ST3GAL5: variants seen among roughly 807,000 people sequenced by gnomAD.
The protein encoded by ST3GAL5 is lactosylceramide alpha-2,3-sialyltransferase.
In ST3GAL5, 25 loss-of-function variants were observed where a neutral mutation model predicts 46.1. The observed-to-expected ratio is 0.54, with a 90% confidence interval of 0.40 to 0.76. The LOEUF (loss-of-function observed/expected upper bound fraction) is 0.76, where lower values mean the gene tolerates loss of function less well. Among genes scored for constraint, ST3GAL5 ranks in the 30% least tolerant of loss-of-function variants. The pLI, the probability that ST3GAL5 is intolerant of heterozygous loss-of-function variation, is 0.00. For missense variants in ST3GAL5, 431 were observed against 521.2 expected (o/e 0.83, Z 1.69); for synonymous variants, 182 against 192.7 (o/e 0.94, Z 0.46).
chr2:85,875,599 CTAATA>C (rs1309443853), intron 1 of ST3GAL5: 2 of 151,968 alleles, frequency 1.3e-5, no homozygotes, highest in African/African-American at 4.8e-5. Flanking sequence ...TCAATTGATG[CTAATA>C]TGTTATAGCC....
At chr2:85,874,036 C>T (rs1219507069) in intron 1 of ST3GAL5, among the ~76,000 whole-genome samples, 1 of 152,198 alleles carries the variant, frequency 6.6e-6, no homozygotes, top group Non-Finnish European at 1.5e-5. Flanking sequence ...GATTCTCCTA[C>T]AAACTGAGCA....
chr2:85,846,222 A>T (rs764141803), intron 5 of ST3GAL5, 155 bp downstream of exon 5: 15 of 725,658 alleles, frequency 2.1e-5, no homozygotes, highest in Non-Finnish European at 2.8e-5. Context: ...AGAATTGCTG[A>T]GGGGTTTCTA....
rs1260916862 is a variant in ST3GAL5 at position 85,844,288 on chromosome 2, G to C, written c.1008+108C>G. The stretch of plus-strand genomic sequence containing the variant: ...ACATGGAGCATCTAATCACAGGCTG[G>C]GTTTCTCCACTGGAGATGCTTCTGG... On this transcript the variant is annotated intron_variant, in intron 6 of 6. Coordinates refer to ENST00000638572, the MANE Select transcript of ST3GAL5 (RefSeq NM_003896.4). The C allele has an allele frequency of 2.1e-6, 3 of 1,428,588 alleles. No individual in the cohort carries two copies. In the African/African-American group the frequency reaches 4.2e-5, roughly 20 times the overall value. The allele number at this position is 1,428,588 out of a possible 1,614,324, so 88.5% of individuals were successfully genotyped here. A position where few individuals can be genotyped will look rare whatever the true frequency, so the allele number is the denominator to read the frequency against.
chr2:85,872,959 C>G (rs186457300), intron 1 of ST3GAL5, among the ~76,000 whole-genome samples: 14 of 152,358 alleles, frequency 9.2e-5, no homozygotes, highest in African/African-American at 2.9e-4. Context: ...GCAACAGCTA[C>G]AACTACAGCA....
intron 1 of ST3GAL5, among the ~76,000 whole-genome samples, chr2:85,872,972 G>T (rs111525034): frequency 1.3e-5 from 2 of 152,232 alleles, no homozygotes. Context: ...CTACAGCAGC[G>T]GCATGGGGCG....
chr2:85,846,217 T>C (rs942916757), intron 5 of ST3GAL5, 160 bp downstream of exon 5: 2 of 704,656 alleles, frequency 2.8e-6, no homozygotes, highest in East Asian at 2.8e-5. Context: ...AAAAAAGAAT[T>C]GCTGAGGGGT....
At position 85,840,150 on chromosome 2, in the gene ST3GAL5, T is replaced by C; in HGVS notation, c.1251A>G (p.Glu417=). Reference sequence around the variant, plus strand: ...CAACTGAGGTTTTCTGTGTTCAAAATTCACGATCAATGCCTCCACTGAGAT... The same window carrying C: ...CAACTGAGGTTTTCTGTGTTCAAAACTCACGATCAATGCCTCCACTGAGAT... The part of the protein sequence containing the change: ...VKDLSGGIDR[E]F Residue 417 remains glutamate, a synonymous_variant, in exon 7 of 7, where the codon GAA becomes GAG. Coordinates refer to ENST00000638572, the MANE Select transcript of ST3GAL5 (RefSeq NM_003896.4). 1.2e-6 allele frequency: 2 copies of C among 1,614,204 alleles called. No individual in the cohort carries two copies.
Position 85,848,111 on chromosome 2 carries a change from T to C in ST3GAL5, c.412A>G (p.Ser138Gly), listed in dbSNP as rs2103960228. 6.2e-7 allele frequency: 1 copy of C among 1,614,220 alleles called. No individual in the cohort carries two copies. Among genetic ancestry groups the C allele is most frequent in the Non-Finnish European group, 8.5e-7 (1 of 1,180,026 alleles). The change falls in exon 4 of 7, where the codon AGC (serine) becomes GGC (glycine). Residue 138 changes from serine to glycine, a missense_variant. By Grantham distance (56) the Ser-to-Gly change is moderately conservative. Coordinates refer to ENST00000638572, the MANE Select transcript of ST3GAL5 (RefSeq NM_003896.4). ...SMALLFEHRY[S>G]VDLLPFVQKA... ...TGCACAAAAGGGAGTAAGTCCACGC[T>C]ATACCTGTGCTCAAATAACAGCGCC...
At chr2:85,881,248 G>A (rs144042062) in intron 1 of ST3GAL5, among the ~76,000 whole-genome samples, 274 of 152,246 alleles carry the variant, frequency 1.8e-3, no homozygotes, top group African/African-American at 6.2e-3. Flanking sequence ...CCTCTTTCTT[G>A]TATAAATTGC....
intron 1 of ST3GAL5, among the ~76,000 whole-genome samples, chr2:85,868,414 A>C (rs1440263087): frequency 6.6e-6 from 1 of 150,644 alleles, no homozygotes; most frequent in Non-Finnish European, 1.5e-5. Context: ...CCATCTTCCC[A>C]CCTCAGCCTC....
At chr2:85,886,701 C>T (rs1306721580) in intron 1 of ST3GAL5, among the ~76,000 whole-genome samples, 2 of 152,084 alleles carry the variant, frequency 1.3e-5, no homozygotes, top group South Asian at 2.1e-4. Context: ...GTCTCCCGGG[C>T]GAGCCTGCGT....
chr2:85,866,786 C>T (rs1249882706), intron 1 of ST3GAL5, among the ~76,000 whole-genome samples: 1 of 152,234 alleles, frequency 6.6e-6, no homozygotes, highest in African/African-American at 2.4e-5. Flanking sequence ...AGAGCCAGAA[C>T]TCTGTTCACC....
intron 1 of ST3GAL5, among the ~76,000 whole-genome samples, chr2:85,876,533 G>A (rs377227326): frequency 2.1e-5 from 3 of 146,296 alleles, no homozygotes; most frequent in Non-Finnish European, 4.5e-5. Flanking sequence ...GCATGATCTC[G>A]GCGCCGCAAC....
chr2:85,879,120 C>G (rs1346886969), intron 1 of ST3GAL5, among the ~76,000 whole-genome samples: 1 of 152,114 alleles, frequency 6.6e-6, no homozygotes, highest in African/African-American at 2.4e-5. Context: ...TGAGCTCATA[C>G]TGGCATGAAA....
chr2:85,863,807 G>A (rs1558681858), intron 1 of ST3GAL5, among the ~76,000 whole-genome samples: 2 of 151,590 alleles, frequency 1.3e-5, no homozygotes, highest in Admixed American at 6.6e-5. Context: ...TCCTGGGTTC[G>A]AGTGACTGTC....
Position 85,847,885 on chromosome 2 carries a change from A to G in ST3GAL5, c.638T>C (p.Leu213Pro). The G allele has an allele frequency of 1.2e-6, 2 of 1,614,116 alleles. No individual in the cohort carries two copies. The highest frequency in any genetic ancestry group is 1.7e-6 in the Non-Finnish European group (2 of 1,180,034). The change falls in exon 4 of 7, where the codon CTG becomes CCG. Residue 213 changes from leucine (L) to proline (P), a missense_variant. Leu to Pro is a moderately conservative substitution (Grantham distance 98). Coordinates refer to ENST00000638572, the MANE Select transcript of ST3GAL5 (RefSeq NM_003896.4). ...CCTTATCACAACATCGAACTGGTTC[A>G]GGGTGTGGCCCAGTTCTAATCCGTG... ...ILHGLELGHT[L>P]NQFDVVIRLN...
At chr2:85,852,811 C>T (rs141250355) in intron 3 of ST3GAL5, 21 of 1,180,648 alleles carry the variant, frequency 1.8e-5, no homozygotes, top group Middle Eastern at 2.3e-4. Flanking sequence ...CTAGCAGCGT[C>T]GTCTTTGTTA....
intron 1 of ST3GAL5, chr2:85,867,859 T>C: frequency 1.7e-6 from 1 of 598,586 alleles, no homozygotes; most frequent in Admixed American, 2.5e-5. Flanking sequence ...GAAGCCTTCC[T>C]GGGACTGGGG....
At chr2:85,872,346 G>A (rs959667637) in intron 1 of ST3GAL5, among the ~76,000 whole-genome samples, 39 of 152,136 alleles carry the variant, frequency 2.6e-4, no homozygotes, top group African/African-American at 8.9e-4. Context: ...CTGTCCACGA[G>A]GCGAGGCAGG....
Sources: gnomAD v4.1 joint callset for allele counts (sites outside exome capture counted in the v4.1 genomes callset) on GRCh38, gnomAD v4.1.1 for gene constraint, MANE v1.5 for transcripts, NCBI Gene and HGNC (gene_info 2026-07-23, HGNC 2026-07-21) for gene names.